The following ASB7 variants were observed in gnomAD, a reference collection of about 807,000 sequenced individuals.
ASB7 encodes the protein ankyrin repeat and SOCS box containing 7.
Under a neutral mutation model 32.5 loss-of-function variants are expected in ASB7, and 4 were observed. That is an observed-to-expected ratio of 0.12 (90% CI 0.06 to 0.28). The LOEUF (loss-of-function observed/expected upper bound fraction) is 0.28. Ranked by LOEUF, ASB7 falls within the 10% of genes least tolerant of loss-of-function variation. The pLI is 1.00. For missense variants in ASB7, 181 were observed against 407.1 expected, an observed-to-expected ratio of 0.44 and a Z score of 4.78; for synonymous variants, 172 against 155.6, an observed-to-expected ratio of 1.11 and a Z score of -0.78.
At chr15:100,631,505 CTTG>C (rs1306736804) in intron 5 of ASB7, among the ~76,000 whole-genome samples, 1 of 152,170 alleles carries the variant, frequency 6.6e-6, no homozygotes, top group Non-Finnish European at 1.5e-5. Context: ...TCCTGCTTGC[CTTG>C]TTGTTGTTCT....
chr15:100,613,215 G>C (rs891958189), intron 4 of ASB7, among the ~76,000 whole-genome samples: 1 of 152,170 alleles, frequency 6.6e-6, no homozygotes, highest in African/African-American at 2.4e-5. Context: ...GCCATTCTAG[G>C]GCTTTAATTG....
intron 5 of ASB7, among the ~76,000 whole-genome samples, chr15:100,633,654 G>GAGGA (rs376485966): frequency 1.4e-5 from 2 of 146,836 alleles, no homozygotes; most frequent in Non-Finnish European, 3.0e-5. Context: ...AAGAAGGAAG[G>GAGGA]AGGAAGGAAG....
chr15:100,618,616 G>GTT (rs982829185), intron 4 of ASB7, among the ~76,000 whole-genome samples: 1 of 98,894 alleles, frequency 1.0e-5, no homozygotes, highest in African/African-American at 3.1e-5. Flanking sequence ...ACCCTGCTGT[G>GTT]TGTGTGGTGT....
chr15:100,638,821 C>G (rs564382315), intron 5 of ASB7, among the ~76,000 whole-genome samples: 109 of 152,238 alleles, frequency 7.2e-4, no homozygotes, highest in African/African-American at 2.5e-3. Context: ...AGGTGTTTGT[C>G]CTAATGCCCT....
At chr15:100,605,531 C>G (rs945593475) in intron 2 of ASB7, among the ~76,000 whole-genome samples, 1 of 152,190 alleles carries the variant, frequency 6.6e-6, no homozygotes, top group Non-Finnish European at 1.5e-5. Flanking sequence ...CATACAGTAT[C>G]TCTTTAATTT....
chr15:100,617,482 C>T (rs1217860662), intron 4 of ASB7, among the ~76,000 whole-genome samples: 1 of 152,190 alleles, frequency 6.6e-6, no homozygotes, highest in Non-Finnish European at 1.5e-5. Flanking sequence ...CCACCCCTGC[C>T]CCATCACCTT....
At chr15:100,644,216 C>G (rs1350092342) in intron 5 of ASB7, among the ~76,000 whole-genome samples, 2 of 152,178 alleles carry the variant, frequency 1.3e-5, no homozygotes, top group African/African-American at 4.8e-5. Context: ...CCACTGCACT[C>G]CAGCCTGGGC....
Position 100,640,414 on chromosome 15 carries a change from T to G in ASB7, c.818-7909T>G, listed in dbSNP as rs1476158485. On this transcript the variant is annotated intron_variant, in intron 5 of 5. Coordinates refer to ENST00000332783, the MANE Select transcript of ASB7 (RefSeq NM_198243.3). ...CCCGCCTTAGCCTCTCAAAGTGCTG[T>G]GATTATAGGCGGGAGCCACCATGCC... Among the ~76,000 whole-genome samples, 4 of 152,118 alleles carry G rather than the reference T, an allele frequency of 2.6e-5. No individual in the cohort carries two copies. The East Asian group carries it at 7.7e-4, about 29-fold the overall frequency.
intron 5 of ASB7, among the ~76,000 whole-genome samples, chr15:100,639,311 C>G (rs772717148): frequency 1.3e-5 from 2 of 152,064 alleles, no homozygotes; most frequent in Non-Finnish European, 2.9e-5. Context: ...CACAGTAACC[C>G]GAAATATTTT....
chr15:100,630,654 G>T (rs1180281263), intron 5 of ASB7, among the ~76,000 whole-genome samples: 1 of 152,186 alleles, frequency 6.6e-6, no homozygotes, highest in Non-Finnish European at 1.5e-5. Flanking sequence ...GGCTTCCATT[G>T]TATTTGAACG....
chr15:100,640,892 A>G (rs533990824), intron 5 of ASB7, among the ~76,000 whole-genome samples: 1 of 152,360 alleles, frequency 6.6e-6, no homozygotes, highest in Non-Finnish European at 1.5e-5. Context: ...ATTACTAATG[A>G]TGGGCTTCTT....
intron 4 of ASB7, among the ~76,000 whole-genome samples, chr15:100,619,225 G>T (rs1294943374): frequency 6.6e-6 from 1 of 152,174 alleles, no homozygotes; most frequent in Non-Finnish European, 1.5e-5. Flanking sequence ...CTCCAACTCA[G>T]GGGGCACTGC....
At chr15:100,607,576 CTT>C (rs1030258871) in intron 2 of ASB7, among the ~76,000 whole-genome samples, 58 of 152,164 alleles carry the variant, frequency 3.8e-4, no homozygotes, top group Middle Eastern at 6.8e-3. Context: ...GCAGGGAGTA[CTT>C]TTTTGGTTTA....
chr15:100,627,417 T>A (rs1567115389), intron 4 of ASB7, among the ~76,000 whole-genome samples: 1 of 152,258 alleles, frequency 6.6e-6, no homozygotes, highest in Non-Finnish European at 1.5e-5. Context: ...TTGTAGTTTA[T>A]GTTGCTATTA....
chr15:100,609,353 C>T (rs1424514025), intron 2 of ASB7, among the ~76,000 whole-genome samples: 2 of 152,060 alleles, frequency 1.3e-5, no homozygotes, highest in Non-Finnish European at 2.9e-5. Flanking sequence ...CTTATGGTGT[C>T]GGTTAAAAAG....
chr15:100,617,726 TTG>T (rs1723654643), intron 4 of ASB7, among the ~76,000 whole-genome samples: 1 of 152,246 alleles, frequency 6.6e-6, no homozygotes, highest in South Asian at 2.1e-4. Flanking sequence ...GCGTAATGAA[TTG>T]TTTTATAGTT....
At chr15:100,611,484 C>CTTTTTTTTT (rs61153969) in intron 3 of ASB7, among the ~76,000 whole-genome samples, 4,581 of 77,020 alleles carry the variant, frequency 0.059, 1,032 homozygotes, top group Middle Eastern at 0.098. Context: ...TGTTTCGATT[C>CTTTTTTTTT]TTTTTTTTTT....
chr15:100,626,863 A>G (rs75819528), intron 4 of ASB7, among the ~76,000 whole-genome samples: 4,789 of 152,316 alleles, frequency 0.031, 106 homozygotes, highest in Admixed American at 0.044. Flanking sequence ...AAGTCTACAT[A>G]TGATTCTATT....
chr15:100,647,208 T>G (rs2040002949), intron 5 of ASB7, among the ~76,000 whole-genome samples: 1 of 152,196 alleles, frequency 6.6e-6, no homozygotes, highest in Admixed American at 6.5e-5. Context: ...TCGCAATAAT[T>G]TTTTAAAGTG....
Sources: allele counts gnomAD v4.1 joint callset (sites outside exome capture counted in the v4.1 genomes callset), GRCh38; gene constraint gnomAD v4.1.1; transcripts MANE v1.5; gene names NCBI Gene and HGNC (gene_info 2026-07-23, HGNC 2026-07-21).